The following THSD4 variants were observed in gnomAD, a reference collection of about 807,000 sequenced individuals.
THSD4 encodes thrombospondin type-1 domain-containing protein 4.
A neutral mutation model predicts 119.0 loss-of-function variants in THSD4; 69 were observed. The ratio of observed to expected loss-of-function variants is 0.58; its 90% CI spans 0.48 to 0.71. The LOEUF is 0.71. THSD4 is among the 30% of genes least tolerant of loss of function. THSD4 has a pLI of 0.00. For missense variants in THSD4, 1,393 were observed against 1,391.1 expected (o/e 1.00, Z -0.02); for synonymous variants, 524 against 540.4 (o/e 0.97, Z 0.42).
intron 5 of THSD4, among the ~76,000 whole-genome samples, chr15:71,247,036 T>A (rs2044209526): frequency 6.6e-6 from 1 of 151,840 alleles, no homozygotes; most frequent in African/African-American, 2.4e-5. Context: ...TAGCTGGGAT[T>A]ACAGGTGCAC....
chr15:71,316,357 C>T (rs892426231), intron 6 of THSD4, among the ~76,000 whole-genome samples: 4 of 152,118 alleles, frequency 2.6e-5, no homozygotes, highest in Non-Finnish European at 5.9e-5. Flanking sequence ...CCTGCTCCAA[C>T]CAAGGGGTTA....
intron 6 of THSD4, among the ~76,000 whole-genome samples, chr15:71,380,131 A>G (rs1276553051): frequency 1.3e-5 from 2 of 152,144 alleles, no homozygotes; most frequent in Non-Finnish European, 2.9e-5. Flanking sequence ...ATTTTTGTTT[A>G]CGTACTAAGT....
chr15:71,427,353 T>A (rs2046885412), intron 7 of THSD4, among the ~76,000 whole-genome samples: 1 of 151,914 alleles, frequency 6.6e-6, no homozygotes, highest in African/African-American at 2.4e-5. Context: ...CAAAGTCAGT[T>A]AATAAGCAAA....
chr15:71,553,413 C>T (rs139870939), intron 7 of THSD4, among the ~76,000 whole-genome samples: 6 of 151,866 alleles, frequency 4.0e-5, no homozygotes, highest in African/African-American at 7.2e-5. Flanking sequence ...GCAACCTCCA[C>T]CTCCCGGGTT....
At chr15:71,349,667 G>C (rs989464785) in intron 6 of THSD4, among the ~76,000 whole-genome samples, 1 of 152,252 alleles carries the variant, frequency 6.6e-6, no homozygotes, top group Non-Finnish European at 1.5e-5. Flanking sequence ...ACACCCAGCA[G>C]TAGCCAAAGA....
At chr15:71,111,593 CT>C, upstream of THSD4, 1 of 614,736 alleles carries the variant, frequency 1.6e-6, no homozygotes. Flanking sequence ...TGGGCACAGG[CT>C]TGCCTTGACT....
intron 3 of THSD4, among the ~76,000 whole-genome samples, chr15:71,171,775 G>T (rs1483528168): frequency 6.6e-6 from 1 of 152,160 alleles, no homozygotes; most frequent in Non-Finnish European, 1.5e-5. Context: ...TGAAAAACTT[G>T]TCCAATGAAA....
At chr15:71,301,068 A>G (rs571896584) in intron 6 of THSD4, among the ~76,000 whole-genome samples, 1 of 152,320 alleles carries the variant, frequency 6.6e-6, no homozygotes, top group South Asian at 2.1e-4. Context: ...CTCTGCCCTA[A>G]GATTATTTTC....
intron 6 of THSD4, among the ~76,000 whole-genome samples, chr15:71,382,612 T>C (rs1420714486): frequency 6.6e-6 from 1 of 152,140 alleles, no homozygotes; most frequent in Non-Finnish European, 1.5e-5. Flanking sequence ...TTCTTATAAC[T>C]TTCCTCACCA....
At chr15:71,738,993 A>T (rs1483693147) in intron 11 of THSD4, among the ~76,000 whole-genome samples, 1 of 152,036 alleles carries the variant, frequency 6.6e-6, no homozygotes. Flanking sequence ...TAATAAACGG[A>T]ATACACTCAT....
intron 7 of THSD4, among the ~76,000 whole-genome samples, chr15:71,609,316 G>A (rs534505443): frequency 1.3e-5 from 2 of 152,312 alleles, no homozygotes; most frequent in South Asian, 4.1e-4. Context: ...CATCACTGTG[G>A]AAGGGGTCAT....
intron 7 of THSD4, among the ~76,000 whole-genome samples, chr15:71,490,199 T>TG (rs1033840738): frequency 6.6e-6 from 1 of 151,558 alleles, no homozygotes; most frequent in African/African-American, 2.4e-5. Flanking sequence ...CCGAGGCAGG[T>TG]GGATCACCTG....
In THSD4 at chr15:71,727,577, TATATATATATACACAC is replaced by T. The variant is rs1285018685; in HGVS notation, c.1358-970_1358-955del. ...AAATATATATATATATATATATATA[TATATATATATACACAC>T]ACACACACACACACACACACACACA... On this transcript the variant is annotated intron_variant, in intron 8 of 17. Transcript: ENST00000261862. Among the ~76,000 whole-genome samples the T allele has an allele frequency of 9.3e-3, 336 of 36,046 alleles. 1 individual carries two copies. Among genetic ancestry groups the T allele is most frequent in the Admixed American group, 0.036 (85 of 2,368 alleles). 23.6% of individuals were successfully genotyped at this position (36,046 alleles called of 152,430 possible).
intron 1 of THSD4, among the ~76,000 whole-genome samples, chr15:71,107,755 C>T (rs2040280299): frequency 6.6e-6 from 1 of 152,214 alleles, no homozygotes; most frequent in Non-Finnish European, 1.5e-5. Flanking sequence ...ACCAACTTCT[C>T]TCAGACTGAG....
At chr15:71,402,390 C>G (rs1566970492) in intron 6 of THSD4, among the ~76,000 whole-genome samples, 1 of 152,176 alleles carries the variant, frequency 6.6e-6, no homozygotes, top group South Asian at 2.1e-4. Flanking sequence ...TGTACATGCA[C>G]TTCACACTGG....
chr15:71,101,802 C>T (rs987241846), intron 1 of THSD4, among the ~76,000 whole-genome samples: 10 of 151,914 alleles, frequency 6.6e-5, no homozygotes, highest in Non-Finnish European at 1.0e-4. Flanking sequence ...CAACCTCCAT[C>T]TCCCAGGCTC....
At chr15:71,766,768 G>A (rs977492578) in intron 16 of THSD4, 10 of 152,122 alleles carry the variant, frequency 6.6e-5, no homozygotes, top group East Asian at 3.8e-4. Flanking sequence ...CCAAATGTCC[G>A]TCAGCAGGTG....
intron 7 of THSD4, among the ~76,000 whole-genome samples, chr15:71,542,492 C>G (rs1032643141): frequency 9.2e-5 from 14 of 152,196 alleles, no homozygotes; most frequent in African/African-American, 2.6e-4. Flanking sequence ...TAGAATACCC[C>G]TGACGAATGT....
chr15:71,740,418 A>G (rs2141158232), intron 11 of THSD4, among the ~76,000 whole-genome samples: 1 of 152,356 alleles, frequency 6.6e-6, no homozygotes, highest in Admixed American at 6.5e-5. Context: ...ACTCAGAACT[A>G]GGTGAAAATA....
Sources: allele counts gnomAD v4.1 joint callset (sites outside exome capture counted in the v4.1 genomes callset), GRCh38; gene constraint gnomAD v4.1.1; transcripts MANE v1.5; gene names NCBI Gene and HGNC (gene_info 2026-07-23, HGNC 2026-07-21).